Variants in CSE1L observed in about 807,000 individuals in gnomAD.
CSE1L encodes chromosome segregation 1 like.
CSE1L carries 24 observed loss-of-function variants against 120.4 expected under a neutral mutation model. The observed-to-expected ratio is 0.20, with a 90% CI of 0.14 to 0.28. The LOEUF is 0.28. Ranked by LOEUF, CSE1L falls within the 10% of genes least tolerant of loss-of-function variation. The pLI is 1.00. For synonymous variants in CSE1L, 402 were observed against 398.3 expected (o/e 1.01, Z -0.11); for missense variants, 830 against 1,145.2 (o/e 0.72, Z 3.97).
chr20:49,096,043 G>A (rs1465759569), intron 24 of CSE1L: 4 of 477,694 alleles, frequency 8.4e-6, no homozygotes, highest in East Asian at 4.1e-5. Context: ...TCTGTATTGA[G>A]CAAGTCTTAG....
At chr20:49,065,583 G>A in intron 3 of CSE1L, among the ~76,000 whole-genome samples, 1 of 90,120 alleles carries the variant, frequency 1.1e-5, no homozygotes, top group African/African-American at 3.9e-5. Context: ...GCCTAAAATG[G>A]AAATTTTTTT....
intron 19 of CSE1L, among the ~76,000 whole-genome samples, 169 bp from the exon 20 acceptor site, chr20:49,090,573 A>T (rs1248087645): frequency 2.6e-5 from 4 of 152,092 alleles, no homozygotes; most frequent in Admixed American, 2.0e-4. Flanking sequence ...AAAAAAAATT[A>T]CTTTAATGGC....
rs1447575434 is a variant in CSE1L, at chr20:49,084,030, C to T, written c.1487C>T (p.Pro496Leu). The T allele has an allele frequency of 6.2e-7, 1 of 1,612,510 alleles. No homozygotes were observed. Among genetic ancestry groups the T allele is most frequent in the African/African-American group, 1.3e-5 (1 of 74,834 alleles). The change falls in exon 15 of 25, where the codon CCA becomes CTA. Residue 496 changes from proline (P) to leucine (L), a missense_variant. Physicochemically the swap from Pro to Leu is moderately conservative, Grantham distance 98 (BLOSUM62 -3). This residue lies in a region of CSE1L where 543 missense variants were observed against 640.2 expected (regional missense o/e 0.85). Coordinates refer to ENST00000262982, the MANE Select transcript of CSE1L (RefSeq NM_001316.4). ...KYIMIFRNQVPKEHLLVSIPL... is the reference protein window; with the variant it reads ...KYIMIFRNQVLKEHLLVSIPL... ...GTATATTATTGTGTTTTTTAGGTGCCAAAAGAACATCTTTTAGTCTCGATT... is the reference window on the plus strand; with the variant it reads ...GTATATTATTGTGTTTTTTAGGTGCTAAAAGAACATCTTTTAGTCTCGATT...
chr20:49,072,163 T>C (rs528117595), intron 8 of CSE1L, 123 bp from the exon 9 acceptor site: 1 of 1,048,648 alleles, frequency 9.5e-7, no homozygotes, highest in Non-Finnish European at 1.4e-6. Flanking sequence ...AGCTGTAGTT[T>C]ACAATAACTG....
chr20:49,066,141 GA>G, intron 3 of CSE1L, 50 bp from the exon 4 acceptor site: 1 of 1,419,776 alleles, frequency 7.0e-7, no homozygotes, highest in Non-Finnish European at 9.9e-7. Context: ...AAATCATGTG[GA>G]CATGAATGTG....
rs750588315 is a variant in CSE1L at position 49,085,416 on chromosome 20, A to G, written c.1723+30A>G. On this transcript the variant is annotated intron_variant, in intron 16 of 24. Coordinates refer to ENST00000262982, the MANE Select transcript of CSE1L (RefSeq NM_001316.4). The stretch of plus-strand genomic sequence containing the variant: ...GCTGTTTCCCTGGTGTGCAGACTAC[A>G]GGTATCCAATCTCAGATTGTAAGGG... 4.0e-6 allele frequency: 6 copies of G among 1,511,850 alleles called. No homozygotes were observed. The South Asian group carries it at 4.5e-5, about 11-fold the overall frequency. 93.7% of individuals were successfully genotyped at this position (1,511,850 alleles called of 1,614,324 possible).
chr20:49,080,389 A>G (rs1397664394), intron 14 of CSE1L, among the ~76,000 whole-genome samples: 3 of 151,676 alleles, frequency 2.0e-5, no homozygotes, highest in South Asian at 2.1e-4. Context: ...CTGGTTATCA[A>G]TTTTTAATGA....
At chr20:49,072,254 T>C (rs771936427) in intron 8 of CSE1L, 32 bp from the exon 9 acceptor site, 10 of 1,608,050 alleles carry the variant, frequency 6.2e-6, no homozygotes, top group Non-Finnish European at 8.5e-7. Context: ...ATTAGAGTTG[T>C]ATGTTGGAGT....
At chr20:49,082,526 A>G (rs917812084) in intron 14 of CSE1L, among the ~76,000 whole-genome samples, 1 of 151,748 alleles carries the variant, frequency 6.6e-6, no homozygotes, top group Non-Finnish European at 1.5e-5. Flanking sequence ...TTGTTTTGAG[A>G]CGGAGTCTTC....
At chr20:49,070,130 C>G (rs920098666) in intron 7 of CSE1L, 75 bp from the exon 8 acceptor site, 1 of 686,526 alleles carries the variant, frequency 1.5e-6, no homozygotes, top group Non-Finnish European at 2.5e-6. Context: ...GTTTTGTCCA[C>G]GTGGTAAGGG....
intron 10 of CSE1L, among the ~76,000 whole-genome samples, chr20:49,074,011 T>G (rs1447736807): frequency 1.3e-5 from 2 of 151,920 alleles, no homozygotes; most frequent in African/African-American, 4.8e-5. Flanking sequence ...GCCCAGGAGT[T>G]AAAGACCAGC....
chr20:49,089,732 G>A lies in CSE1L; in HGVS notation c.2167G>A (p.Ala723Thr). The change falls in exon 19 of 25, where the codon GCA becomes ACA. Residue 723 changes from alanine (A) to threonine (T), a missense_variant. Physicochemically the swap from Ala to Thr is moderately conservative, Grantham distance 58. This residue lies in a region of CSE1L where 168 missense variants were observed against 267.9 expected (regional missense o/e 0.63). Coordinates refer to ENST00000262982, the MANE Select transcript of CSE1L (RefSeq NM_001316.4). ...CGGTTCAAACACAATAGCAAGTGCT[G>A]CAGCTGACAAAATTGTGCGTCAGGT... ...ERGSNTIASA[A>T]ADKIPGLLGV... 6.2e-7 allele frequency: 1 copy of A among 1,614,062 alleles called. No homozygotes were observed. The highest frequency in any genetic ancestry group is 8.5e-7 in the Non-Finnish European group (1 of 1,179,962).
chr20:49,076,895 G>A (rs1379641893), intron 12 of CSE1L, 85 bp from the exon 13 acceptor site: 1 of 808,554 alleles, frequency 1.2e-6, no homozygotes, highest in African/African-American at 1.7e-5. Flanking sequence ...TTTTAACATG[G>A]TTTTCTAAAA....
Position 49,084,013 on chromosome 20 carries a change from T to C in CSE1L, c.1483-13T>C, listed in dbSNP as rs771794481. The C allele has an allele frequency of 5.0e-6, 8 of 1,610,324 alleles. No individual in the cohort carries two copies. Among genetic ancestry groups the C allele is most frequent in the Non-Finnish European group, 6.8e-6 (8 of 1,176,800 alleles). On this transcript the variant is annotated splice_polypyrimidine_tract_variant and intron_variant, in intron 14 of 24. Transcript: ENST00000262982. ...CATTGCATTTAGAGCATGTATATTA[T>C]TGTGTTTTTTAGGTGCCAAAAGAAC...
Position 49,065,311 on chromosome 20 carries a change from AAATT to A in CSE1L, c.229-880_229-877del, listed in dbSNP as rs1357654602. On this transcript the variant is annotated intron_variant, in intron 3 of 24. Transcript: ENST00000262982. The stretch of plus-strand genomic sequence containing the variant: ...TTAGTTTACATATGAAATGAAAAAA[AAATT>A]TTTTTTTTTTTTTTTTTTTTTTTTT... 1.0e-3 allele frequency among the ~76,000 whole-genome samples: 67 copies of A among 66,924 alleles called. 3 individuals are homozygous for A. Among genetic ancestry groups the A allele is most frequent in the African/African-American group, 1.9e-3 (45 of 23,850 alleles). 43.9% of individuals were successfully genotyped at this position (66,924 alleles called of 152,430 possible). A position where few individuals can be genotyped will look rare whatever the true frequency, so the allele number is the denominator to read the frequency against.
intron 18 of CSE1L, 48 bp downstream of exon 18, chr20:49,089,445 G>C: frequency 6.2e-7 from 1 of 1,605,866 alleles, no homozygotes. Flanking sequence ...AAATTAACAT[G>C]GCTATAAAAT....
chr20:49,058,670 G>C, intron 2 of CSE1L, 122 bp downstream of exon 2: 1 of 666,368 alleles, frequency 1.5e-6, no homozygotes, highest in Non-Finnish European at 2.5e-6. Flanking sequence ...CTCAAGCGTA[G>C]TTTATAAGTG....
chr20:49,048,056 C>T (rs925014412), intron 1 of CSE1L, among the ~76,000 whole-genome samples: 2 of 151,974 alleles, frequency 1.3e-5, no homozygotes, highest in South Asian at 2.1e-4. Context: ...CAGAAGGGGA[C>T]CCTTTAGTCT....
chr20:49,091,778 G>C (rs2092103544), intron 21 of CSE1L, among the ~76,000 whole-genome samples: 1 of 152,176 alleles, frequency 6.6e-6, no homozygotes, highest in Non-Finnish European at 1.5e-5. Flanking sequence ...GTTAGTGTTA[G>C]TCATATTGTG....
Sources: gnomAD v4.1 joint callset for allele counts (sites outside exome capture counted in the v4.1 genomes callset) on GRCh38, gnomAD v4.1.1 for gene constraint, gnomAD v4.1.1 regional missense constraint, MANE v1.5 for transcripts, NCBI Gene and HGNC (gene_info 2026-07-23, HGNC 2026-07-21) for gene names.